Variants in CBLB observed in about 807,000 individuals in gnomAD.
CBLB encodes the protein Cbl proto-oncogene B.
Under a neutral mutation model 104.9 loss-of-function variants are expected in CBLB, and 31 were observed. The observed-to-expected ratio is 0.30, with a 90% CI of 0.22 to 0.40. CBLB has a LOEUF of 0.40. Among genes scored for constraint, CBLB ranks in the 10% least tolerant of loss-of-function variants. The pLI is 1.00. For missense variants in CBLB, 1,062 were observed against 1,214.6 expected (o/e 0.87, Z 1.87); for synonymous variants, 440 against 422.6 (o/e 1.04, Z -0.51).
At chr3:105,722,315 T>C (rs2072999290) in intron 9 of CBLB, among the ~76,000 whole-genome samples, 1 of 151,770 alleles carries the variant, frequency 6.6e-6, no homozygotes, top group South Asian at 2.1e-4. Flanking sequence ...GAGACGTACA[T>C]AGTCTCATAC....
At chr3:105,811,485 T>C (rs2084286429) in intron 3 of CBLB, among the ~76,000 whole-genome samples, 2 of 152,162 alleles carry the variant, frequency 1.3e-5, no homozygotes, top group South Asian at 4.1e-4. Context: ...CACACACACA[T>C]ACACTCTCAA....
intron 2 of CBLB, 45 bp downstream of exon 2, chr3:105,867,365 C>CA (rs1418970217): frequency 6.4e-7 from 1 of 1,557,064 alleles, no homozygotes. Context: ...AAACCACAGA[C>CA]AAAGTGAATA....
intron 3 of CBLB, among the ~76,000 whole-genome samples, chr3:105,799,110 A>T (rs1360087030): frequency 6.6e-6 from 1 of 152,080 alleles, no homozygotes; most frequent in Non-Finnish European, 1.5e-5. Context: ...AGAATAATAA[A>T]AATAGAAATG....
chr3:105,718,188 CA>C (rs977330765), intron 10 of CBLB, among the ~76,000 whole-genome samples: 3 of 151,538 alleles, frequency 2.0e-5, no homozygotes, highest in Middle Eastern at 3.4e-3. Context: ...TTTCTTAGGT[CA>C]AAAAAAATCA....
chr3:105,779,092 T>C (rs962914267), intron 3 of CBLB, among the ~76,000 whole-genome samples: 6 of 152,220 alleles, frequency 3.9e-5, no homozygotes, highest in Admixed American at 2.0e-4. Flanking sequence ...CCAACTGTTC[T>C]TTATTTTCTG....
At chr3:105,716,718 T>A (rs938172428) in intron 10 of CBLB, among the ~76,000 whole-genome samples, 1 of 152,144 alleles carries the variant, frequency 6.6e-6, no homozygotes, top group Non-Finnish European at 1.5e-5. Context: ...TGATATAAAT[T>A]TCTAAACTAT....
intron 3 of CBLB, among the ~76,000 whole-genome samples, chr3:105,798,842 C>G (rs1267084955): frequency 1.3e-5 from 2 of 152,186 alleles, no homozygotes; most frequent in African/African-American, 4.8e-5. Flanking sequence ...AATCTCCTAA[C>G]TGCCTGCCTT....
At chr3:105,852,556 G>A (rs2091076235) in intron 3 of CBLB, among the ~76,000 whole-genome samples, 1 of 152,100 alleles carries the variant, frequency 6.6e-6, no homozygotes, top group African/African-American at 2.4e-5. Flanking sequence ...GTTCATATTG[G>A]AAAAGAAATT....
At chr3:105,805,118 G>A (rs1158779021) in intron 3 of CBLB, among the ~76,000 whole-genome samples, 1 of 151,878 alleles carries the variant, frequency 6.6e-6, no homozygotes, top group Admixed American at 6.6e-5. Context: ...TCCATACTCT[G>A]CCACCATCAT....
chr3:105,860,824 T>C (rs1310910014), intron 2 of CBLB, among the ~76,000 whole-genome samples: 1 of 152,214 alleles, frequency 6.6e-6, no homozygotes, highest in Non-Finnish European at 1.5e-5. Flanking sequence ...AAGCCTGGAA[T>C]GTTCTGTGCA....
chr3:105,859,182 G>C (rs1458479050), intron 2 of CBLB, among the ~76,000 whole-genome samples: 1 of 152,162 alleles, frequency 6.6e-6, no homozygotes, highest in Non-Finnish European at 1.5e-5. Flanking sequence ...GTTCAAACCA[G>C]CCTGTGAAAC....
intron 6 of CBLB, among the ~76,000 whole-genome samples, chr3:105,742,925 G>A (rs936857342): frequency 6.6e-6 from 1 of 152,088 alleles, no homozygotes; most frequent in East Asian, 1.9e-4. Context: ...TTGGGATGGT[G>A]TTTCTAAAAC....
At chr3:105,761,919 T>C (rs1041673995) in intron 4 of CBLB, among the ~76,000 whole-genome samples, 1 of 152,144 alleles carries the variant, frequency 6.6e-6, no homozygotes, top group African/African-American at 2.4e-5. Flanking sequence ...GACAATGAAG[T>C]GCAGGTTAAG....
chr3:105,754,529 G>GAGAGAGAGAGAGAGAGAGAC (rs2076894693), intron 4 of CBLB, among the ~76,000 whole-genome samples: 5 of 84,654 alleles, frequency 5.9e-5, no homozygotes, highest in African/African-American at 1.4e-4. Flanking sequence ...GAGACAGAGA[G>GAGAGAGAGAGAGAGAGAGAC]AGAGAGAGAG....
chr3:105,845,502 T>C (rs1429078819), intron 3 of CBLB, among the ~76,000 whole-genome samples: 1 of 151,950 alleles, frequency 6.6e-6, no homozygotes, highest in Non-Finnish European at 1.5e-5. Context: ...ATCTGAATAA[T>C]TTCGTTTTCT....
At chr3:105,801,749 TAAC>T (rs905825022) in intron 3 of CBLB, among the ~76,000 whole-genome samples, 2 of 152,224 alleles carry the variant, frequency 1.3e-5, no homozygotes, top group Non-Finnish European at 2.9e-5. Flanking sequence ...AGCCTACTGC[TAAC>T]AACAACAACA....
chr3:105,790,311 C>G (rs764008542), intron 3 of CBLB, among the ~76,000 whole-genome samples: 32 of 152,308 alleles, frequency 2.1e-4, no homozygotes, highest in Admixed American at 1.2e-3. Flanking sequence ...GGCTGCAAAG[C>G]AGCACTAGAA....
chr3:105,665,534 C>A (rs887097552), intron 18 of CBLB, among the ~76,000 whole-genome samples: 2 of 144,996 alleles, frequency 1.4e-5, no homozygotes, highest in African/African-American at 5.0e-5. Flanking sequence ...TTCTATATTA[C>A]ACAGTAAAAA....
At chr3:105,689,710 T>C (rs949405683) in intron 13 of CBLB, among the ~76,000 whole-genome samples, 4 of 151,646 alleles carry the variant, frequency 2.6e-5, no homozygotes, top group Non-Finnish European at 4.4e-5. Flanking sequence ...AAATATAATT[T>C]AGTAAATAAA....
Sources: gnomAD v4.1 joint callset for allele counts (sites outside exome capture counted in the v4.1 genomes callset) on GRCh38, gnomAD v4.1.1 for gene constraint, MANE v1.5 for transcripts, NCBI Gene and HGNC (gene_info 2026-07-23, HGNC 2026-07-21) for gene names.